TTC28: variants seen among roughly 807,000 people sequenced by gnomAD.
TTC28 encodes tetratricopeptide repeat protein 28.
In TTC28, 61 loss-of-function variants were observed where a neutral mutation model predicts 198.0. That is an observed-to-expected ratio of 0.31 (90% CI 0.25 to 0.38). The LOEUF (loss-of-function observed/expected upper bound fraction) is 0.38. TTC28 is among the 10% of genes least tolerant of loss of function. The pLI, the probability that TTC28 is intolerant of heterozygous loss-of-function variation, is 1.00. For synonymous variants in TTC28, 1,171 were observed against 1,297.8 expected (o/e 0.90, Z 2.10); for missense variants, 2,678 against 3,164.0 (o/e 0.85, Z 3.69).
intron 4 of TTC28, among the ~76,000 whole-genome samples, chr22:28,296,711 A>T (rs1186564551): frequency 6.6e-6 from 1 of 152,200 alleles, no homozygotes; most frequent in African/African-American, 2.4e-5. Flanking sequence ...TCTACAAAAA[A>T]ATATCTTTAC....
chr22:27,987,152 A>G (rs1233818397), intron 21 of TTC28, among the ~76,000 whole-genome samples: 1 of 152,228 alleles, frequency 6.6e-6, no homozygotes, highest in Non-Finnish European at 1.5e-5. Context: ...CTGTATGTCA[A>G]AAGGCCATAA....
chr22:27,986,474 G>A (rs2146505271), intron 21 of TTC28: 1 of 152,352 alleles, frequency 6.6e-6, no homozygotes, highest in East Asian at 1.9e-4. Context: ...TTTAGGGCCT[G>A]AAGAGTCTTC....
At chr22:28,568,509 A>T (rs2050014618) in intron 2 of TTC28, among the ~76,000 whole-genome samples, 1 of 152,200 alleles carries the variant, frequency 6.6e-6, no homozygotes, top group Non-Finnish European at 1.5e-5. Context: ...TAACTTCAGC[A>T]AAGTTTCAGG....
chr22:28,271,425 T>A (rs1230843881), intron 5 of TTC28, among the ~76,000 whole-genome samples: 1 of 152,170 alleles, frequency 6.6e-6, no homozygotes, highest in East Asian at 1.9e-4. Flanking sequence ...CTCTCTAGAT[T>A]GGAAAAAAGA....
chr22:28,383,322 A>G (rs2046525319), intron 2 of TTC28, among the ~76,000 whole-genome samples: 1 of 152,152 alleles, frequency 6.6e-6, no homozygotes, highest in South Asian at 2.1e-4. Flanking sequence ...GTTGAGTTTG[A>G]GACACTTTCC....
chr22:28,358,776 A>G (rs760628966), intron 2 of TTC28, among the ~76,000 whole-genome samples: 5 of 152,206 alleles, frequency 3.3e-5, no homozygotes, highest in Non-Finnish European at 5.9e-5. Flanking sequence ...CCACTGGTCT[A>G]TAATGGAGGA....
intron 5 of TTC28, among the ~76,000 whole-genome samples, chr22:28,227,603 C>T (rs1928442221): frequency 6.6e-6 from 1 of 151,328 alleles, no homozygotes; most frequent in Non-Finnish European, 1.5e-5. Flanking sequence ...CTAATAAGCA[C>T]ATATTAAGTA....
intron 2 of TTC28, among the ~76,000 whole-genome samples, chr22:28,386,850 A>C (rs1172554056): frequency 1.3e-5 from 2 of 151,176 alleles, no homozygotes; most frequent in African/African-American, 4.9e-5. Flanking sequence ...GTTTTAAGTT[A>C]TTATTATTAT....
intron 5 of TTC28, among the ~76,000 whole-genome samples, chr22:28,200,448 T>C (rs1925824877): frequency 6.6e-6 from 1 of 152,118 alleles, no homozygotes; most frequent in African/African-American, 2.4e-5. Flanking sequence ...CTAGTCTTAA[T>C]ACATCTGAAT....
intron 2 of TTC28, among the ~76,000 whole-genome samples, chr22:28,586,598 CT>C (rs1276402442): frequency 6.6e-6 from 1 of 152,006 alleles, no homozygotes; most frequent in Non-Finnish European, 1.5e-5. Flanking sequence ...AAGCAAGACC[CT>C]GTGTAAGAGG....
chr22:28,528,818 T>C (rs2049066936), intron 2 of TTC28, among the ~76,000 whole-genome samples: 2 of 150,502 alleles, frequency 1.3e-5, no homozygotes, highest in South Asian at 4.2e-4. Context: ...AATAATAAGA[T>C]TGAATTCCTG....
intron 5 of TTC28, among the ~76,000 whole-genome samples, chr22:28,238,342 C>T (rs1056474796): frequency 5.9e-5 from 9 of 152,050 alleles, no homozygotes; most frequent in Admixed American, 2.0e-4. Flanking sequence ...TTTTCTTCAG[C>T]TGTATCTAAT....
In TTC28 at chr22:27,996,146, G is replaced by T. The variant is rs1937547742; in HGVS notation, c.5233C>A (p.Leu1745Met). 2 of 1,549,902 alleles carry T rather than the reference G, an allele frequency of 1.3e-6. No homozygotes were observed. Residue 1745 changes from leucine (L) to methionine (M), a missense_variant, in exon 17 of 23, where the codon CTG becomes ATG. Leu to Met is a conservative substitution (Grantham distance 15, BLOSUM62 2). Around this residue, in one of 8 missense-constraint regions of TTC28, gnomAD observed 314 missense variants for 442.7 expected, o/e 0.71. Transcript: ENST00000397906. ...PERARDALRV[L>M]LHLVEKSLQR... Reference sequence around the variant, plus strand: ...CCCGACCCCCTTACCAGGTGCAGCAGCACTCGCAGGGCGTCCCGCGCACGC... The same window carrying T: ...CCCGACCCCCTTACCAGGTGCAGCATCACTCGCAGGGCGTCCCGCGCACGC...
intron 2 of TTC28, among the ~76,000 whole-genome samples, chr22:28,313,295 T>C (rs2045297998): frequency 6.6e-6 from 1 of 152,196 alleles, no homozygotes; most frequent in South Asian, 2.1e-4. Context: ...AAAGAGGAGC[T>C]GATACCATTG....
At chr22:28,539,806 T>C (rs1159936579) in intron 2 of TTC28, among the ~76,000 whole-genome samples, 1 of 152,102 alleles carries the variant, frequency 6.6e-6, no homozygotes, top group Non-Finnish European at 1.5e-5. Flanking sequence ...TGTGAGGCCG[T>C]TCTTGTGTTG....
At chr22:28,327,753 A>G (rs1457561856) in intron 2 of TTC28, among the ~76,000 whole-genome samples, 1 of 152,194 alleles carries the variant, frequency 6.6e-6, no homozygotes, top group Non-Finnish European at 1.5e-5. Context: ...CCTACTGTTC[A>G]CTGCCCTCTC....
intron 2 of TTC28, among the ~76,000 whole-genome samples, chr22:28,362,112 T>G (rs910209389): frequency 6.6e-6 from 1 of 152,166 alleles, no homozygotes; most frequent in African/African-American, 2.4e-5. Flanking sequence ...GGAGTGATTT[T>G]GGTGTTTCAA....
intron 2 of TTC28, among the ~76,000 whole-genome samples, chr22:28,363,504 C>T (rs571484255): frequency 1.3e-5 from 2 of 152,264 alleles, no homozygotes; most frequent in African/African-American, 4.8e-5. Flanking sequence ...GTCGAAGCCC[C>T]CACACAGAGT....
intron 2 of TTC28, among the ~76,000 whole-genome samples, chr22:28,518,609 A>G (rs2048838664): frequency 6.6e-6 from 1 of 152,184 alleles, no homozygotes; most frequent in Admixed American, 6.5e-5. Flanking sequence ...CCCTGTCTCT[A>G]TTTTTTAAAA....
Sources: gnomAD v4.1 joint callset for allele counts (sites outside exome capture counted in the v4.1 genomes callset) on GRCh38, gnomAD v4.1.1 for gene constraint, gnomAD v4.1.1 regional missense constraint, MANE v1.5 for transcripts, NCBI Gene and HGNC (gene_info 2026-07-23, HGNC 2026-07-21) for gene names.